Variants in SLC25A12 observed in about 807,000 individuals in gnomAD.
SLC25A12 encodes electrogenic aspartate/glutamate antiporter SLC25A12, mitochondrial.
Under a neutral mutation model 83.3 loss-of-function variants are expected in SLC25A12, and 32 were observed. The ratio of observed to expected loss-of-function variants is 0.38; its 90% confidence interval spans 0.29 to 0.52. SLC25A12 has a LOEUF of 0.52. Among genes scored for constraint, SLC25A12 ranks in the 20% least tolerant of loss-of-function variants. SLC25A12 has a pLI of 0.84. For synonymous variants in SLC25A12, 267 were observed against 291.1 expected, an observed-to-expected ratio of 0.92 and a Z score of 0.84; for missense variants, 611 against 835.6, an observed-to-expected ratio of 0.73 and a Z score of 3.31.
chr2:171,858,503 C>T lies in SLC25A12; in HGVS notation c.210-2554G>A, dbSNP rs545526434. 3.9e-5 allele frequency among the ~76,000 whole-genome samples: 6 copies of T among 152,224 alleles called. No individual in the cohort carries two copies. In the South Asian group the frequency reaches 1.2e-3, roughly 32 times the overall value. On this transcript the variant is annotated intron_variant, in intron 3 of 17. Transcript: ENST00000422440. ...ACAAATTTCATGCTCAGTAGTAAAA[C>T]CTTCTATATTTATGAGAAGAGGCCA...
chr2:171,891,110 T>C lies in SLC25A12; in HGVS notation c.66+2095A>G, dbSNP rs189175534. Among the ~76,000 whole-genome samples, 8 of 152,106 alleles carry C rather than the reference T, an allele frequency of 5.3e-5. No homozygotes were observed. The East Asian group carries it at 1.2e-3, about 22-fold the overall frequency. On this transcript the variant is annotated intron_variant, in intron 2 of 17. Coordinates refer to ENST00000422440, the MANE Select transcript of SLC25A12 (RefSeq NM_003705.5). ...TCACGAGGTCAGGAGATCAAGACCA[T>C]CCTGGCTAACATGGTGAAACCCTGT...
At chr2:171,864,027 T>C (rs1218668752) in intron 3 of SLC25A12, among the ~76,000 whole-genome samples, 1 of 152,226 alleles carries the variant, frequency 6.6e-6, no homozygotes, top group Admixed American at 6.5e-5. Flanking sequence ...CTGAATACAG[T>C]ACTAATCCTG....
chr2:171,847,606 T>G (rs545321075), intron 4 of SLC25A12, among the ~76,000 whole-genome samples: 1 of 152,228 alleles, frequency 6.6e-6, no homozygotes, highest in Non-Finnish European at 1.5e-5. Context: ...TGTTTAAGAA[T>G]GCTATTTCTG....
intron 2 of SLC25A12, among the ~76,000 whole-genome samples, chr2:171,882,820 C>T (rs183574853): frequency 1.0e-3 from 159 of 151,758 alleles, no homozygotes; most frequent in Non-Finnish European, 2.0e-3. Flanking sequence ...AAGAAAGTTA[C>T]GCACAAAAAA....
At chr2:171,803,896 G>A (rs921371101) in intron 13 of SLC25A12, among the ~76,000 whole-genome samples, 2 of 152,074 alleles carry the variant, frequency 1.3e-5, no homozygotes, top group African/African-American at 4.8e-5. Flanking sequence ...TAGTAGGGAT[G>A]CAAAAGGATG....
intron 9 of SLC25A12, among the ~76,000 whole-genome samples, chr2:171,817,732 C>G (rs1684084764): frequency 6.6e-6 from 1 of 151,120 alleles, no homozygotes; most frequent in Non-Finnish European, 1.5e-5. Context: ...TGTATCCTTT[C>G]AAAAGAATAT....
At position 171,828,974 on chromosome 2, in the gene SLC25A12, C is replaced by T. The variant is rs115082679; in HGVS notation, c.846-2092G>A. On this transcript the variant is annotated intron_variant, in intron 8 of 17. Coordinates refer to ENST00000422440, the MANE Select transcript of SLC25A12 (RefSeq NM_003705.5). ...ACCCCTGAGGACCCCAATCAAGGCC[C>T]AGAGTTTTTCCAGGGGGATGCCCCA... is the stretch of plus-strand genomic sequence containing the variant. Among the ~76,000 whole-genome samples the T allele has an allele frequency of 5.7e-3, 869 of 152,318 alleles. 7 individuals are homozygous for T. The highest frequency in any genetic ancestry group is 0.02 in the African/African-American group (832 of 41,568).
At chr2:171,823,379 T>C (rs550371504) in intron 9 of SLC25A12, among the ~76,000 whole-genome samples, 1 of 152,228 alleles carries the variant, frequency 6.6e-6, no homozygotes, top group Admixed American at 6.5e-5. Context: ...ATACTCACTT[T>C]ATTAAAGGGA....
intron 2 of SLC25A12, among the ~76,000 whole-genome samples, chr2:171,887,128 T>TA (rs1260173657): frequency 1.3e-5 from 2 of 152,178 alleles, no homozygotes; most frequent in Non-Finnish European, 2.9e-5. Flanking sequence ...AATAAGTAAA[T>TA]AAAATACATA....
chr2:171,871,972 T>A (rs939900912), intron 2 of SLC25A12, among the ~76,000 whole-genome samples: 1 of 57,988 alleles, frequency 1.7e-5, no homozygotes, highest in African/African-American at 4.0e-5. Flanking sequence ...ACTTGTGCTA[T>A]AGAACAAAAA....
intron 2 of SLC25A12, among the ~76,000 whole-genome samples, chr2:171,878,925 CT>C (rs1404622304): frequency 6.6e-6 from 1 of 152,182 alleles, no homozygotes; most frequent in African/African-American, 2.4e-5. Context: ...TGCCCTTTCA[CT>C]ACACAAGCAC....
At chr2:171,818,139 G>C (rs1235588946) in intron 9 of SLC25A12, among the ~76,000 whole-genome samples, 3 of 152,074 alleles carry the variant, frequency 2.0e-5, no homozygotes, top group Non-Finnish European at 4.4e-5. Flanking sequence ...TTCACTTCAT[G>C]AATATTCATA....
chr2:171,885,384 A>C (rs1185988209), intron 2 of SLC25A12, among the ~76,000 whole-genome samples: 1 of 151,346 alleles, frequency 6.6e-6, no homozygotes, highest in East Asian at 1.9e-4. Context: ...ATACTTTCTA[A>C]AGTATTTAGA....
chr2:171,802,752 G>A (rs982405684), intron 13 of SLC25A12, among the ~76,000 whole-genome samples: 7 of 152,112 alleles, frequency 4.6e-5, no homozygotes, highest in African/African-American at 1.7e-4. Context: ...CTCCAGCCTG[G>A]GCGACAGTGC....
At chr2:171,852,386 G>C (rs1056059400) in intron 4 of SLC25A12, among the ~76,000 whole-genome samples, 8 of 152,138 alleles carry the variant, frequency 5.3e-5, no homozygotes, top group African/African-American at 1.7e-4. Flanking sequence ...ATATATACAA[G>C]TACACAGATA....
chr2:171,838,051 G>A (rs1684594228), intron 5 of SLC25A12, among the ~76,000 whole-genome samples: 1 of 152,066 alleles, frequency 6.6e-6, no homozygotes, highest in East Asian at 1.9e-4. Context: ...TTCTGTTGTG[G>A]GGATCCATGA....
chr2:171,850,334 T>TTTC (rs1558930836), intron 4 of SLC25A12, among the ~76,000 whole-genome samples: 2 of 130,682 alleles, frequency 1.5e-5, no homozygotes. Flanking sequence ...CAGGCTGGTC[T>TTTC]TTGTTTTTTT....
In SLC25A12 at chr2:171,785,142, A is replaced by G. The variant is rs1690463002; in HGVS notation, c.*132T>C. On this transcript the variant is annotated 3_prime_UTR_variant, in exon 18 of 18. Coordinates refer to ENST00000422440, the MANE Select transcript of SLC25A12 (RefSeq NM_003705.5). ...TTATTTTATAAACAAGTATATGTAT[A>G]TGTCATACAGAAAGAAGAGTTTGAC... 8.9e-6 allele frequency: 7 copies of G among 788,590 alleles called. 1 individual carries two copies. Among genetic ancestry groups the G allele is most frequent in the South Asian group, 8.7e-5 (6 of 68,644 alleles). The allele number at this position is 788,590 out of a possible 1,614,324, so 48.8% of individuals were successfully genotyped here. A position where few individuals can be genotyped will look rare whatever the true frequency, so the allele number is the denominator to read the frequency against.
chr2:171,788,313 T>C lies in SLC25A12; in HGVS notation c.1586-366A>G, dbSNP rs1222020606. ...CTTAAATAAGATACAAGTATTTTTATGTATAAAAAAATGATAATGTCATCT... is the reference window on the plus strand; with the variant it reads ...CTTAAATAAGATACAAGTATTTTTACGTATAAAAAAATGATAATGTCATCT... On this transcript the variant is annotated intron_variant, in intron 15 of 17. Coordinates refer to ENST00000422440, the MANE Select transcript of SLC25A12 (RefSeq NM_003705.5). 2.2e-5 allele frequency: 5 copies of C among 229,108 alleles called. No homozygotes were observed. In the East Asian group the frequency reaches 5.8e-4, roughly 27 times the overall value. The allele number at this position is 229,108 out of a possible 1,614,324, so 14.2% of individuals were successfully genotyped here.
Sources: allele counts gnomAD v4.1 joint callset (sites outside exome capture counted in the v4.1 genomes callset), GRCh38; gene constraint gnomAD v4.1.1; transcripts MANE v1.5; gene names NCBI Gene and HGNC (gene_info 2026-07-23, HGNC 2026-07-21).